Variants in SLC12A7 observed in about 807,000 individuals in gnomAD.
SLC12A7 encodes the protein solute carrier family 12 member 7.
SLC12A7 carries 100 observed loss-of-function variants against 120.6 expected under a neutral mutation model. The observed-to-expected ratio is 0.83, with a 90% CI of 0.71 to 0.98. The LOEUF (loss-of-function observed/expected upper bound fraction) is 0.98. Among genes scored for constraint, SLC12A7 ranks in the 50% least tolerant of loss-of-function variants. The pLI is 0.00. For synonymous variants in SLC12A7, 760 were observed against 678.0 expected, an observed-to-expected ratio of 1.12 and a Z score of -1.88; for missense variants, 1,373 against 1,548.1, an observed-to-expected ratio of 0.89 and a Z score of 1.90.
the SLC12A7 span, among the ~76,000 whole-genome samples, chr5:1,147,983 C>T: frequency 6.6e-6 from 1 of 152,034 alleles, no homozygotes; most frequent in Non-Finnish European, 1.5e-5. Flanking sequence ...AATTCCCCCA[C>T]CTCAGCCTCC....
chr5:1,064,457 C>T (rs1467806789), intron 18 of SLC12A7, among the ~76,000 whole-genome samples: 1 of 152,242 alleles, frequency 6.6e-6, no homozygotes, highest in Non-Finnish European at 1.5e-5. Context: ...TCCAGGGAAT[C>T]CCCCAGCCCC....
upstream of SLC12A7, chr5:1,112,122 AC>A (rs1274665489): frequency 9.6e-7 from 1 of 1,036,800 alleles, no homozygotes; most frequent in Non-Finnish European, 1.2e-6. Context: ...ACGTGACTTC[AC>A]CTGCTTGCCC....
the SLC12A7 span, among the ~76,000 whole-genome samples, chr5:1,153,088 T>C: frequency 6.6e-6 from 1 of 152,252 alleles, no homozygotes; most frequent in African/African-American, 2.4e-5. Flanking sequence ...GATGGTTGGC[T>C]GGAGCCATCC....
At chr5:1,092,702 C>A (rs569455167) in intron 3 of SLC12A7, among the ~76,000 whole-genome samples, 10 of 152,048 alleles carry the variant, frequency 6.6e-5, no homozygotes, top group Non-Finnish European at 1.3e-4. Flanking sequence ...GCAGGGCCTG[C>A]GCTGCTTGGT....
intron 3 of SLC12A7, among the ~76,000 whole-genome samples, chr5:1,089,468 C>G (rs1740255444): frequency 6.6e-6 from 1 of 151,976 alleles, no homozygotes; most frequent in Non-Finnish European, 1.5e-5. Context: ...GCTCCGTTCC[C>G]TGGATGGCTC....
At chr5:1,094,856 C>G (rs897498629) in intron 1 of SLC12A7, among the ~76,000 whole-genome samples, 3 of 152,180 alleles carry the variant, frequency 2.0e-5, no homozygotes, top group African/African-American at 7.2e-5. Flanking sequence ...CCGGCGACCC[C>G]TCCATGGGGC....
In SLC12A7 at chr5:1,076,826, G is replaced by A. The variant is rs1182428493; in HGVS notation, c.1630-14C>T. On this transcript the variant is annotated splice_polypyrimidine_tract_variant and intron_variant, in intron 12 of 23. Coordinates refer to ENST00000264930, the MANE Select transcript of SLC12A7 (RefSeq NM_006598.3). ...GTGGCCAAACACCTGCAGGGAGAAG[G>A]GCAGGAAGATGGGGCAGATGACACC... The A allele has an allele frequency of 1.3e-6, 2 of 1,578,658 alleles. No homozygotes were observed. The highest frequency in any genetic ancestry group is 2.2e-5 in the East Asian group (1 of 44,706).
chr5:1,152,069 C>T, the SLC12A7 span, among the ~76,000 whole-genome samples: 3 of 152,172 alleles, frequency 2.0e-5, no homozygotes, highest in Non-Finnish European at 2.9e-5. Flanking sequence ...CTGGACCTTC[C>T]CACAGGGCCA....
chr5:1,155,023 G>C, the SLC12A7 span, among the ~76,000 whole-genome samples: 2 of 152,184 alleles, frequency 1.3e-5, no homozygotes, highest in East Asian at 3.9e-4. Flanking sequence ...ATGGTCCCAG[G>C]CAGGGCCCTC....
chr5:1,145,281 T>A, the SLC12A7 span, among the ~76,000 whole-genome samples: 2 of 152,276 alleles, frequency 1.3e-5, no homozygotes, highest in South Asian at 4.1e-4. The surrounding 1 kb of genome is among the most constrained non-coding windows in gnomAD (Gnocchi z 4.4). Context: ...TCACACGGTC[T>A]GTGCAGTAAA....
At position 1,082,798 on chromosome 5, in the gene SLC12A7, T is replaced by A. The variant is rs572649985; in HGVS notation, c.1129+947A>T. 2.4e-3 allele frequency among the ~76,000 whole-genome samples: 344 copies of A among 143,894 alleles called. 7 individuals are homozygous for A. Among genetic ancestry groups the A allele is most frequent in the South Asian group, 0.01 (45 of 4,364 alleles). 94.4% of individuals were successfully genotyped at this position (143,894 alleles called of 152,430 possible). On this transcript the variant is annotated intron_variant, in intron 8 of 23. Transcript: ENST00000264930. Reference sequence around the variant, plus strand: ...TTCTGGAAAGCCTGGGCTTCCCGTCTCAGGTTCTGGAAAGTCCAGGCTTCC... The same window carrying A: ...TTCTGGAAAGCCTGGGCTTCCCGTCACAGGTTCTGGAAAGTCCAGGCTTCC...
At position 1,087,770 on chromosome 5, in the gene SLC12A7, A is replaced by T. The variant is rs527335569; in HGVS notation, c.544+536T>A. On this transcript the variant is annotated intron_variant, in intron 5 of 23. Transcript: ENST00000264930. Reference sequence around the variant, plus strand: ...AGCAGACGTGGCAGCGTCTCCGTTCACTAGTTATTTCGTATCGTAATTCGT... The same window carrying T: ...AGCAGACGTGGCAGCGTCTCCGTTCTCTAGTTATTTCGTATCGTAATTCGT... Among the ~76,000 whole-genome samples, 5 of 152,376 alleles carry T rather than the reference A, an allele frequency of 3.3e-5. No homozygotes were observed. The South Asian group carries it at 1.0e-3, about 32-fold the overall frequency.
rs548379644 is a variant in SLC12A7 at position 1,064,191 on chromosome 5, C to T, written c.2499G>A (p.Ser833=). ...QALLVAKNVD[S]FPQNQERFGG... ...CGAAGCGCTCCTGGTTTTGCGGAAA[C>T]GAGTCGACGTTCTTGGCCACCAGCA... The change falls in exon 19 of 24, where the codon TCG becomes TCA. Residue 833 remains serine, a synonymous_variant. Coordinates refer to ENST00000264930, the MANE Select transcript of SLC12A7 (RefSeq NM_006598.3). 63 of 1,612,360 alleles carry T rather than the reference C, an allele frequency of 3.9e-5. No individual in the cohort carries two copies. The highest frequency in any genetic ancestry group is 1.7e-4 in the Middle Eastern group (1 of 6,060).
chr5:1,147,395 C>T, the SLC12A7 span, among the ~76,000 whole-genome samples: 1 of 151,952 alleles, frequency 6.6e-6, no homozygotes, highest in Non-Finnish European at 1.5e-5. Context: ...ACCGAGAGTC[C>T]CTCCGACCCG....
chr5:1,081,587 A>C lies in SLC12A7; in HGVS notation c.1287T>G (p.Pro429=), dbSNP rs6865765. 1 of 1,600,916 alleles carries C rather than the reference A, an allele frequency of 6.2e-7. No homozygotes were observed. The highest frequency in any genetic ancestry group is 8.5e-7 in the Non-Finnish European group (1 of 1,169,872). ...SFTLLVGIYF[P]SVTGIMAGSN... ...GAGCAGCGGGCTCACCGGTCACGGA[A>C]GGGAAGTAGATGCCAACCAGCAGGG... is the stretch of plus-strand genomic sequence containing the variant. Residue 429 remains proline (P), a synonymous_variant, in exon 9 of 24, where the codon CCT becomes CCG. Coordinates refer to ENST00000264930, the MANE Select transcript of SLC12A7 (RefSeq NM_006598.3).
Position 1,050,899 on chromosome 5 carries a change from C to T in SLC12A7, c.*1461G>A. ...CTGGGGGCACAAGTGCAGCCTCTGC[C>T]CCGATTTGAACTTTGTTGATGGGGC... On this transcript the variant is annotated 3_prime_UTR_variant, in exon 24 of 24. Transcript: ENST00000264930. 1 of 398,612 alleles carries T rather than the reference C, an allele frequency of 2.5e-6. No homozygotes were observed. The highest frequency in any genetic ancestry group is 4.4e-6 in the Non-Finnish European group (1 of 226,060). 24.7% of individuals were successfully genotyped at this position (398,612 alleles called of 1,614,324 possible).
chr5:1,129,116 C>T, the SLC12A7 span, among the ~76,000 whole-genome samples: 8 of 152,298 alleles, frequency 5.3e-5, no homozygotes, highest in African/African-American at 1.7e-4. Flanking sequence ...CCTCAAACCT[C>T]GGTCACAGCT....
rs1204053735 is a variant in SLC12A7, at chr5:1,076,137, C to T, written c.1847+1G>A. ...CTCACGCCCGTGCTGAGTGGCCTCA[C>T]CAGTGGTAGAACTTGAAGCGTGGAC... On this transcript the variant is annotated splice_donor_variant, in intron 14 of 23. Coordinates refer to ENST00000264930, the MANE Select transcript of SLC12A7 (RefSeq NM_006598.3). LOFTEE classifies it high-confidence loss of function. The T allele has an allele frequency of 1.2e-6, 2 of 1,609,312 alleles. No individual in the cohort carries two copies. The highest frequency in any genetic ancestry group is 1.7e-6 in the Non-Finnish European group (2 of 1,178,178).
the SLC12A7 span, among the ~76,000 whole-genome samples, chr5:1,122,832 G>A: frequency 1.3e-5 from 2 of 152,266 alleles, no homozygotes; most frequent in African/African-American, 4.8e-5. Context: ...ATGGACACGA[G>A]GGTTGCTATT....
Sources: allele counts gnomAD v4.1 joint callset (sites outside exome capture counted in the v4.1 genomes callset), GRCh38; gene constraint gnomAD v4.1.1; non-coding constraint Gnocchi (gnomAD v3.1); transcripts MANE v1.5; gene names NCBI Gene and HGNC (gene_info 2026-07-23, HGNC 2026-07-21).